The following NEK6 variants were observed in gnomAD, a reference collection of about 807,000 sequenced individuals.
NEK6 encodes the protein NIMA related kinase 6.
In NEK6, 27 loss-of-function variants were observed where a neutral mutation model predicts 43.5. That is an observed-to-expected ratio of 0.62 (90% CI 0.46 to 0.86). The LOEUF (loss-of-function observed/expected upper bound fraction) is 0.86. Ranked by LOEUF, NEK6 falls within the 40% of genes least tolerant of loss-of-function variation. The pLI is 0.00. For synonymous variants in NEK6, 167 were observed against 164.1 expected (o/e 1.02, Z -0.14); for missense variants, 318 against 414.4 (o/e 0.77, Z 2.02).
At chr9:124,321,696 G>A (rs1050297822) in intron 5 of NEK6, 127 bp downstream of exon 5, 16 of 639,448 alleles carry the variant, frequency 2.5e-5, no homozygotes, top group African/African-American at 2.4e-4. Flanking sequence ...GGGACCCTGG[G>A]CGCCCCCCTG....
intron 1 of NEK6, among the ~76,000 whole-genome samples, chr9:124,269,615 G>A (rs1053684137): frequency 2.0e-5 from 3 of 152,004 alleles, no homozygotes; most frequent in East Asian, 1.9e-4. Context: ...CGCCTGCCTC[G>A]GTGGACTTTC....
chr9:124,344,533 C>T (rs1314594819), intron 8 of NEK6, among the ~76,000 whole-genome samples: 2 of 152,258 alleles, frequency 1.3e-5, no homozygotes, highest in African/African-American at 4.8e-5. Context: ...TCATGACTCG[C>T]AGGCCAGGCG....
At chr9:124,274,200 G>T (rs1028671571) in intron 1 of NEK6, among the ~76,000 whole-genome samples, 8 of 152,258 alleles carry the variant, frequency 5.3e-5, no homozygotes, top group Non-Finnish European at 1.0e-4. Context: ...GACAGAGGCC[G>T]CAGGGCCCAT....
rs1830267801 is a variant in NEK6, at chr9:124,351,445, T to C, written c.*498T>C. 6.6e-6 allele frequency: 1 copy of C among 152,472 alleles called. No individual in the cohort carries two copies. The highest frequency in any genetic ancestry group is 2.4e-5 in the African/African-American group (1 of 41,442). The allele number at this position is 152,472 out of a possible 1,614,324, so 9.4% of individuals were successfully genotyped here. A position where few individuals can be genotyped will look rare whatever the true frequency, so the allele number is the denominator to read the frequency against. On this transcript the variant is annotated 3_prime_UTR_variant, in exon 10 of 10. Transcript: ENST00000320246. The stretch of plus-strand genomic sequence containing the variant: ...TTGTAAAGGGATAAAGTGGAAATCA[T>C]TTTTTTCCGTGGAGTGGTGATTCTG...
At chr9:124,265,351 A>T (rs1831191174) in intron 1 of NEK6, among the ~76,000 whole-genome samples, 1 of 152,112 alleles carries the variant, frequency 6.6e-6, no homozygotes, top group South Asian at 2.1e-4. Context: ...GTGAAACCCC[A>T]TCTCTACTAA....
At chr9:124,297,868 C>G (rs1190917418) in intron 1 of NEK6, among the ~76,000 whole-genome samples, 1 of 152,216 alleles carries the variant, frequency 6.6e-6, no homozygotes, top group Non-Finnish European at 1.5e-5. Context: ...TTTGCCTTGG[C>G]CTTTCTGCAT....
intron 2 of NEK6, among the ~76,000 whole-genome samples, chr9:124,305,654 G>A (rs751292516): frequency 6.6e-6 from 1 of 152,070 alleles, no homozygotes; most frequent in Non-Finnish European, 1.5e-5. Context: ...CATGGGAAGT[G>A]CCCAGTGCCT....
At chr9:124,317,641 T>C (rs1195017422) in intron 4 of NEK6, among the ~76,000 whole-genome samples, 1 of 152,238 alleles carries the variant, frequency 6.6e-6, no homozygotes, top group Non-Finnish European at 1.5e-5. Flanking sequence ...GTGAACATCA[T>C]ACCCAATGGG....
At chr9:124,346,569 G>C (rs992983673) in intron 8 of NEK6, among the ~76,000 whole-genome samples, 3 of 152,154 alleles carry the variant, frequency 2.0e-5, no homozygotes, top group Non-Finnish European at 4.4e-5. Flanking sequence ...TTCACTAGCC[G>C]GAGGCATTGG....
At chr9:124,314,087 C>A in intron 4 of NEK6, 102 bp downstream of exon 4, 1 of 1,011,154 alleles carries the variant, frequency 9.9e-7, no homozygotes, top group Non-Finnish European at 1.5e-6. Context: ...TGCCAGGAAT[C>A]CGCAGCCCCT....
chr9:124,297,518 G>A (rs1478710960), intron 1 of NEK6, among the ~76,000 whole-genome samples: 1 of 152,186 alleles, frequency 6.6e-6, no homozygotes, highest in Non-Finnish European at 1.5e-5. Context: ...CTCGGTGCCT[G>A]GGGACACACA....
chr9:124,280,090 G>A (rs1312296546), intron 1 of NEK6, among the ~76,000 whole-genome samples: 1 of 152,258 alleles, frequency 6.6e-6, no homozygotes. Flanking sequence ...AGGGTCAGCT[G>A]GGGCCTCTCT....
At chr9:124,342,582 G>A (rs929948635) in intron 8 of NEK6, among the ~76,000 whole-genome samples, 26 of 152,334 alleles carry the variant, frequency 1.7e-4, no homozygotes, top group Non-Finnish European at 2.6e-4. Flanking sequence ...GGCCAAGCAC[G>A]GGCACTTCTG....
In NEK6 at chr9:124,275,990, G is replaced by A. The variant is rs1333102056; in HGVS notation, c.-30+17905G>A. Among the ~76,000 whole-genome samples, 11 of 152,312 alleles carry A rather than the reference G, an allele frequency of 7.2e-5. No individual in the cohort carries two copies. In the East Asian group the frequency reaches 2.1e-3, roughly 29 times the overall value. On this transcript the variant is annotated intron_variant, in intron 1 of 9. Coordinates refer to ENST00000320246, the MANE Select transcript of NEK6 (RefSeq NM_014397.6). This position sits in a 1 kb window ranked among gnomAD's most constrained non-coding sequence, Gnocchi z 4.4. Reference sequence around the variant, plus strand: ...AGTTAGGTTTGATCCTGCGGGAGGTGGGTGTTTGGAAAGGTTTTGAGCAGG... The same window carrying A: ...AGTTAGGTTTGATCCTGCGGGAGGTAGGTGTTTGGAAAGGTTTTGAGCAGG...
intron 1 of NEK6, among the ~76,000 whole-genome samples, chr9:124,295,389 G>A (rs1832637763): frequency 6.6e-6 from 1 of 152,194 alleles, no homozygotes; most frequent in South Asian, 2.1e-4. Flanking sequence ...TGATGAATGG[G>A]CAACGTCTGC....
At chr9:124,286,185 C>T (rs914646933) in intron 1 of NEK6, among the ~76,000 whole-genome samples, 15 of 152,226 alleles carry the variant, frequency 9.9e-5, no homozygotes, top group African/African-American at 3.6e-4. Flanking sequence ...GAAACCTCTT[C>T]GGGCTGGCTG....
At position 124,339,598 on chromosome 9, in the gene NEK6, A is replaced by C; in HGVS notation, c.650A>C (p.Glu217Ala). Reference sequence around the variant, plus strand: ...GGGACGCCCTACTACATGTCACCGGAGAGGATCCATGAGAACGGCTACAAC... The same window carrying C: ...GGGACGCCCTACTACATGTCACCGGCGAGGATCCATGAGAACGGCTACAAC... ...LVGTPYYMSPERIHENGYNFK... is the reference protein window; with the variant it reads ...LVGTPYYMSPARIHENGYNFK... Residue 217 changes from glutamate to alanine, a missense_variant, in exon 8 of 10, where the codon GAG becomes GCG. Around this residue, in one of 2 missense-constraint regions of NEK6, gnomAD observed 239 missense variants for 344.4 expected, o/e 0.69. Coordinates refer to ENST00000320246, the MANE Select transcript of NEK6 (RefSeq NM_014397.6). The C allele has an allele frequency of 6.2e-7, 1 of 1,613,824 alleles. No homozygotes were observed.
In NEK6 at chr9:124,293,133, A is replaced by T. The variant is rs576735629; in HGVS notation, c.-29-8803A>T. 1.1e-5 allele frequency: 14 copies of T among 1,233,808 alleles called. No individual in the cohort carries two copies. The South Asian group carries it at 3.0e-4, about 27-fold the overall frequency. The allele number at this position is 1,233,808 out of a possible 1,614,324, so 76.4% of individuals were successfully genotyped here. Reference sequence around the variant, plus strand: ...CCCAGCTGCATTGTGGTCACCAAGGATCACCTCAGGCAAATGATTAAAATG... The same window carrying T: ...CCCAGCTGCATTGTGGTCACCAAGGTTCACCTCAGGCAAATGATTAAAATG... On this transcript the variant is annotated intron_variant, in intron 1 of 9. Coordinates refer to ENST00000320246, the MANE Select transcript of NEK6 (RefSeq NM_014397.6).
chr9:124,323,371 C>T (rs778201339), intron 5 of NEK6, among the ~76,000 whole-genome samples: 22 of 152,240 alleles, frequency 1.4e-4, no homozygotes, highest in Admixed American at 2.0e-4. Context: ...GCTCCAGGCT[C>T]GGGGTCCAGG....
Sources: gnomAD v4.1 joint callset for allele counts (sites outside exome capture counted in the v4.1 genomes callset) on GRCh38, gnomAD v4.1.1 for gene constraint, gnomAD v4.1.1 regional missense constraint, Gnocchi (gnomAD v3.1) non-coding constraint, MANE v1.5 for transcripts, NCBI Gene and HGNC (gene_info 2026-07-23, HGNC 2026-07-21) for gene names.